ITSN1: variants seen among roughly 807,000 people sequenced by gnomAD.
ITSN1 encodes the protein intersectin 1.
ITSN1 carries 58 observed loss-of-function variants against 239.8 expected under a neutral mutation model. The ratio of observed to expected loss-of-function variants is 0.24; its 90% CI spans 0.20 to 0.30. ITSN1 has a LOEUF of 0.30. Ranked by LOEUF, ITSN1 falls within the 10% of genes least tolerant of loss-of-function variation. The pLI is 1.00. For synonymous variants in ITSN1, 780 were observed against 770.8 expected (o/e 1.01, Z -0.20); for missense variants, 1,558 against 2,103.3 (o/e 0.74, Z 5.07).
chr21:33,880,833 C>T (rs1230389477), intron 34 of ITSN1, among the ~76,000 whole-genome samples: 3 of 152,160 alleles, frequency 2.0e-5, no homozygotes, highest in Admixed American at 6.5e-5. Context: ...ACTCCTGGCG[C>T]GCAGCCATGG....
intron 1 of ITSN1, among the ~76,000 whole-genome samples, chr21:33,673,196 G>A (rs1018872458): frequency 5.9e-5 from 9 of 152,134 alleles, no homozygotes; most frequent in Non-Finnish European, 1.3e-4. Context: ...ACTTATATGT[G>A]GAATCTGAAA....
chr21:33,657,769 C>T (rs2300375), intron 1 of ITSN1, among the ~76,000 whole-genome samples: 52,490 of 151,980 alleles, frequency 0.35, 9,359 homozygotes, highest in East Asian at 0.57. Context: ...GAAGGTTGCT[C>T]GAGACCAGGA....
intron 1 of ITSN1, among the ~76,000 whole-genome samples, chr21:33,668,951 G>T (rs529407227): frequency 5.9e-5 from 9 of 152,238 alleles, no homozygotes; most frequent in Non-Finnish European, 1.3e-4. Flanking sequence ...AGAGATAGAT[G>T]CCTAGGCGGC....
chr21:33,721,561 C>T (rs760969302), intron 3 of ITSN1, among the ~76,000 whole-genome samples: 9 of 151,852 alleles, frequency 5.9e-5, no homozygotes, highest in African/African-American at 1.9e-4. Flanking sequence ...TCTGGGAGGC[C>T]GAGGTGGGCA....
intron 16 of ITSN1, among the ~76,000 whole-genome samples, chr21:33,790,941 A>G (rs1244303126): frequency 6.6e-6 from 1 of 152,204 alleles, no homozygotes; most frequent in African/African-American, 2.4e-5. Flanking sequence ...AATAGTATGG[A>G]GAAGAATGAG....
At chr21:33,653,388 A>G (rs1483068960) in intron 1 of ITSN1, among the ~76,000 whole-genome samples, 5 of 152,092 alleles carry the variant, frequency 3.3e-5, no homozygotes, top group Non-Finnish European at 1.5e-5. Flanking sequence ...GTAGCCTTGA[A>G]CCAAGATAGA....
At position 33,794,239 on chromosome 21, in the gene ITSN1, T is replaced by G. The variant is rs569484013; in HGVS notation, c.1825-102T>G. On this transcript the variant is annotated intron_variant, in intron 16 of 39. Transcript: ENST00000381318. Reference sequence around the variant, plus strand: ...TTTCCAACTCTGAAACGTTATCTCCTAAGTGTCCTAGGCTTCCCACTATGA... The same window carrying G: ...TTTCCAACTCTGAAACGTTATCTCCGAAGTGTCCTAGGCTTCCCACTATGA... 104 of 850,458 alleles carry G rather than the reference T, an allele frequency of 1.2e-4. 2 individuals are homozygous for G. The East Asian group carries it at 2.5e-3, about 20-fold the overall frequency. 52.7% of individuals were successfully genotyped at this position (850,458 alleles called of 1,614,324 possible).
chr21:33,839,224 A>T (rs2148422738), intron 29 of ITSN1, among the ~76,000 whole-genome samples: 1 of 152,330 alleles, frequency 6.6e-6, no homozygotes, highest in East Asian at 1.9e-4. Context: ...ACAAACAGAA[A>T]ACCAAACTCC....
In ITSN1 at chr21:33,893,645, G is replaced by A. The variant is rs1020137697; in HGVS notation, c.*5345G>A. 1 of 152,296 alleles carries A rather than the reference G, an allele frequency of 6.6e-6. No homozygotes were observed. Among genetic ancestry groups the A allele is most frequent in the East Asian group, 1.9e-4 (1 of 5,180 alleles). The allele number at this position is 152,296 out of a possible 1,614,324, so 9.4% of individuals were successfully genotyped here. The stretch of plus-strand genomic sequence containing the variant: ...CTCTTCTGGTTAGACCTGACACGGA[G>A]GAAGTAATTGGCTGGTCAACTTAAT... On this transcript the variant is annotated 3_prime_UTR_variant, in exon 40 of 40. Coordinates refer to ENST00000381318, the MANE Select transcript of ITSN1 (RefSeq NM_003024.3).
At chr21:33,862,926 ATG>A (rs1393901475) in intron 31 of ITSN1, among the ~76,000 whole-genome samples, 4 of 134,522 alleles carry the variant, frequency 3.0e-5, no homozygotes, top group African/African-American at 1.3e-4. Context: ...ACAGACACTC[ATG>A]TGTTCAGCAA....
chr21:33,722,750 A>G (rs566552394), intron 4 of ITSN1, 99 bp downstream of exon 4: 4 of 1,155,998 alleles, frequency 3.5e-6, no homozygotes, highest in African/African-American at 3.2e-5. Flanking sequence ...TTATAAAAGG[A>G]GAACATGTAT....
chr21:33,868,084 T>G (rs905218900), intron 33 of ITSN1, among the ~76,000 whole-genome samples: 1 of 152,354 alleles, frequency 6.6e-6, no homozygotes, highest in South Asian at 2.1e-4. Context: ...TTGCCACTGC[T>G]GGCTCGGGCA....
At chr21:33,857,567 C>T (rs1161996227) in intron 30 of ITSN1, among the ~76,000 whole-genome samples, 1 of 152,212 alleles carries the variant, frequency 6.6e-6, no homozygotes, top group Non-Finnish European at 1.5e-5. Flanking sequence ...GCAACCACCA[C>T]ACCAAACGGG....
intron 1 of ITSN1, among the ~76,000 whole-genome samples, chr21:33,656,669 A>G (rs1344657144): frequency 6.6e-6 from 1 of 151,900 alleles, no homozygotes. Flanking sequence ...CGGAGTAGGT[A>G]GATCAGGTCT....
At chr21:33,829,767 T>C (rs890590581) in intron 27 of ITSN1, 22 bp downstream of exon 27, 1 of 1,613,172 alleles carries the variant, frequency 6.2e-7, no homozygotes, top group Non-Finnish European at 8.5e-7. Flanking sequence ...TTTTGTTTAT[T>C]TACAATTCTC....
intron 29 of ITSN1, chr21:33,838,249 T>C (rs971434428): frequency 8.1e-6 from 8 of 985,280 alleles, no homozygotes; most frequent in Non-Finnish European, 9.6e-6. Context: ...CTAAAGACTC[T>C]GTAATGCTCA....
intron 10 of ITSN1, among the ~76,000 whole-genome samples, chr21:33,766,743 C>T (rs547368003): frequency 6.6e-6 from 1 of 152,312 alleles, no homozygotes; most frequent in South Asian, 2.1e-4. Context: ...GCTGAGGAAA[C>T]TGTGACTATG....
chr21:33,733,327 G>A (rs1362745982), intron 4 of ITSN1, among the ~76,000 whole-genome samples: 1 of 152,120 alleles, frequency 6.6e-6, no homozygotes, highest in Non-Finnish European at 1.5e-5. Flanking sequence ...TACTGGGAAA[G>A]CTAGGAATCC....
intron 29 of ITSN1, chr21:33,838,507 T>C (rs1602546546): frequency 1.0e-6 from 1 of 966,606 alleles, no homozygotes; most frequent in Non-Finnish European, 1.2e-6. Context: ...TAGATGGAAA[T>C]GTCTCTGTGT....
Sources: allele counts gnomAD v4.1 joint callset (sites outside exome capture counted in the v4.1 genomes callset), GRCh38; gene constraint gnomAD v4.1.1; transcripts MANE v1.5; gene names NCBI Gene and HGNC (gene_info 2026-07-23, HGNC 2026-07-21).